Variants in SLAIN1 observed in about 807,000 individuals in gnomAD.
SLAIN1 encodes the protein SLAIN family member 1, also known as SLAIN motif-containing protein 1.
SLAIN1 carries 17 observed loss-of-function variants against 55.4 expected under a neutral mutation model. The ratio of observed to expected loss-of-function variants is 0.31; its 90% CI spans 0.21 to 0.46. The LOEUF (loss-of-function observed/expected upper bound fraction) is 0.46, where lower values mean the gene tolerates loss of function less well. Among genes scored for constraint, SLAIN1 ranks in the 20% least tolerant of loss-of-function variants. The probability of loss-of-function intolerance (pLI) is 1.00; values close to 1 mark genes in which losing one functional copy is unlikely to be tolerated. For missense variants in SLAIN1, 682 were observed against 785.1 expected (o/e 0.87, Z 1.57); for synonymous variants, 348 against 337.4 (o/e 1.03, Z -0.35).
At chr13:77,741,317 G>A in intron 2 of SLAIN1, 12 of 987,444 alleles carry the variant, frequency 1.2e-5, no homozygotes, top group Non-Finnish European at 1.4e-5. Context: ...TACCTAGTGT[G>A]TGTTGCATTA....
At chr13:77,713,975 G>A in intron 1 of SLAIN1, among the ~76,000 whole-genome samples, 1 of 150,336 alleles carries the variant, frequency 6.7e-6, no homozygotes. Flanking sequence ...TGAACAATGA[G>A]AACACATGGA....
At chr13:77,732,684 A>T (rs1002880523) in intron 2 of SLAIN1, among the ~76,000 whole-genome samples, 99 of 151,254 alleles carry the variant, frequency 6.5e-4, no homozygotes, top group Non-Finnish European at 1.2e-3. Flanking sequence ...TTTTTTTTTT[A>T]AATCTCCACT....
chr13:77,749,170 CTGTT>C (rs1228953697), intron 4 of SLAIN1, among the ~76,000 whole-genome samples: 6 of 152,076 alleles, frequency 3.9e-5, no homozygotes, highest in Non-Finnish European at 8.8e-5. Context: ...TAATTGTAAA[CTGTT>C]GATTCATTTT....
At chr13:77,725,560 G>T (rs746306210) in intron 2 of SLAIN1, among the ~76,000 whole-genome samples, 16 of 152,222 alleles carry the variant, frequency 1.1e-4, no homozygotes, top group Middle Eastern at 6.8e-3. Context: ...TAATATTTGA[G>T]CAAATATTTT....
chr13:77,753,437 CTG>C (rs1874384545), intron 5 of SLAIN1, 79 bp downstream of exon 5: 1 of 831,876 alleles, frequency 1.2e-6, no homozygotes, highest in Non-Finnish European at 1.6e-6. Context: ...AGGAAAATGT[CTG>C]TTTTATTTCT....
intron 3 of SLAIN1, among the ~76,000 whole-genome samples, chr13:77,746,195 T>C (rs1873798464): frequency 6.6e-6 from 1 of 152,110 alleles, no homozygotes; most frequent in Non-Finnish European, 1.5e-5. Flanking sequence ...TCTTCCTAAG[T>C]TCCCCTTCTA....
intron 1 of SLAIN1, among the ~76,000 whole-genome samples, chr13:77,701,311 G>T (rs1218149312): frequency 6.6e-6 from 1 of 152,100 alleles, no homozygotes; most frequent in Non-Finnish European, 1.5e-5. Flanking sequence ...ATTCTTTTAT[G>T]TAAGTATATC....
At chr13:77,700,452 T>A (rs937228462) in intron 1 of SLAIN1, among the ~76,000 whole-genome samples, 2 of 152,202 alleles carry the variant, frequency 1.3e-5, no homozygotes, top group African/African-American at 4.8e-5. Context: ...GAGATTAGAA[T>A]TCCAGGTGGA....
At chr13:77,756,545 GT>G (rs1429852292) in intron 5 of SLAIN1, among the ~76,000 whole-genome samples, 1 of 152,090 alleles carries the variant, frequency 6.6e-6, no homozygotes, top group East Asian at 1.9e-4. Flanking sequence ...TGATTTTTGT[GT>G]TTTGATATTG....
chr13:77,708,520 G>A (rs182382371), intron 1 of SLAIN1, among the ~76,000 whole-genome samples: 22 of 152,298 alleles, frequency 1.4e-4, no homozygotes, highest in Admixed American at 5.2e-4. Context: ...GCTCTGGCTC[G>A]CATCTGGCAG....
chr13:77,751,092 T>C (rs1874176244), intron 4 of SLAIN1, among the ~76,000 whole-genome samples: 1 of 152,256 alleles, frequency 6.6e-6, no homozygotes, highest in South Asian at 2.1e-4. Flanking sequence ...GAATGCCTTT[T>C]GGATTAGCAT....
At chr13:77,720,446 G>A (rs1448249609) in intron 2 of SLAIN1, among the ~76,000 whole-genome samples, 1 of 152,140 alleles carries the variant, frequency 6.6e-6, no homozygotes, top group Non-Finnish European at 1.5e-5. Context: ...AGGGGAGTCT[G>A]CATTGAGAAG....
At chr13:77,758,341 T>A (rs889104723) in intron 5 of SLAIN1, among the ~76,000 whole-genome samples, 4 of 152,166 alleles carry the variant, frequency 2.6e-5, no homozygotes, top group Non-Finnish European at 5.9e-5. Flanking sequence ...CTTTATCAGA[T>A]GCATAGTTTG....
At chr13:77,699,093 C>T (rs1251218028) in intron 1 of SLAIN1, 4 of 1,509,380 alleles carry the variant, frequency 2.7e-6, no homozygotes, top group Non-Finnish European at 3.6e-6. Flanking sequence ...CAGTCGTGTG[C>T]CCTTTTGCGT....
At chr13:77,757,201 G>C (rs543601851) in intron 5 of SLAIN1, among the ~76,000 whole-genome samples, 2 of 152,116 alleles carry the variant, frequency 1.3e-5, no homozygotes, top group South Asian at 4.1e-4. Context: ...TCTTGTGTTA[G>C]TGCAGTAGAC....
intron 2 of SLAIN1, among the ~76,000 whole-genome samples, chr13:77,730,830 A>G (rs1032052440): frequency 6.6e-6 from 1 of 152,258 alleles, no homozygotes; most frequent in Non-Finnish European, 1.5e-5. Flanking sequence ...GCATTTTCAG[A>G]TAAATGAAGT....
intron 2 of SLAIN1, among the ~76,000 whole-genome samples, chr13:77,739,920 T>A (rs1873328764): frequency 6.6e-6 from 1 of 152,046 alleles, no homozygotes; most frequent in Admixed American, 6.6e-5. Context: ...GTACAAAAAA[T>A]AAGAGACCGT....
intron 2 of SLAIN1, among the ~76,000 whole-genome samples, chr13:77,740,968 A>C (rs1312637797): frequency 6.6e-6 from 1 of 152,064 alleles, no homozygotes; most frequent in African/African-American, 2.4e-5. Context: ...AATGCTAAAC[A>C]ACAATGTAGA....
At chr13:77,751,930 TGTGTATTGATCAAGGAAAAA>T (rs931510882) in intron 4 of SLAIN1, among the ~76,000 whole-genome samples, 1 of 152,072 alleles carries the variant, frequency 6.6e-6, no homozygotes, top group Non-Finnish European at 1.5e-5. Context: ...TTTTGGGGGA[TGTGTATTGATCAAGGAAAAA>T]GTGTCTCATA....
Sources: allele counts gnomAD v4.1 joint callset (sites outside exome capture counted in the v4.1 genomes callset), GRCh38; gene constraint gnomAD v4.1.1; transcripts MANE v1.5; gene names NCBI Gene and HGNC (gene_info 2026-07-23, HGNC 2026-07-21).